The following SLCO3A1 variants were observed in gnomAD, a reference collection of about 807,000 sequenced individuals.
SLCO3A1 encodes the protein PGE1 transporter.
SLCO3A1 carries 27 observed loss-of-function variants against 63.1 expected under a neutral mutation model. The ratio of observed to expected loss-of-function variants is 0.43; its 90% CI spans 0.32 to 0.59. SLCO3A1 has a LOEUF of 0.59. Among genes scored for constraint, SLCO3A1 ranks in the 20% least tolerant of loss-of-function variants. The pLI is 0.09. For synonymous variants in SLCO3A1, 473 were observed against 409.9 expected (o/e 1.15, Z -1.86); for missense variants, 773 against 945.8 (o/e 0.82, Z 2.40).
rs1897001265 is a variant in SLCO3A1 at position 91,859,573 on chromosome 15, A to G, written c.180+5485A>G. On this transcript the variant is annotated intron_variant, in intron 1 of 9. Coordinates refer to ENST00000318445, the MANE Select transcript of SLCO3A1 (RefSeq NM_013272.4). This position sits in a 1 kb window ranked among gnomAD's most constrained non-coding sequence, Gnocchi z 5.1. ...AGCTGTCGCTTATTCGATGAGTGTT[A>G]GAAGACTGGGATTCATGCCTATGTC... 1.3e-5 allele frequency among the ~76,000 whole-genome samples: 2 copies of G among 152,330 alleles called. No individual in the cohort carries two copies. Among genetic ancestry groups the G allele is most frequent in the South Asian group, 4.1e-4 (2 of 4,828 alleles).
intron 2 of SLCO3A1, among the ~76,000 whole-genome samples, chr15:92,016,720 C>T (rs2046442330): frequency 1.3e-5 from 2 of 151,804 alleles, no homozygotes; most frequent in South Asian, 4.2e-4. Flanking sequence ...ATGGATGGGA[C>T]ATGAGGAAGA....
intron 2 of SLCO3A1, among the ~76,000 whole-genome samples, chr15:92,066,356 A>T (rs2047151549): frequency 6.6e-6 from 1 of 152,224 alleles, no homozygotes; most frequent in Non-Finnish European, 1.5e-5. Flanking sequence ...CATCTCAAAA[A>T]TCGGAGAAAA....
In SLCO3A1 at chr15:92,164,679, T is replaced by C. The variant is rs9302356; in HGVS notation, c.*1544T>C. 0.63 allele frequency: 622,247 copies of C among 984,790 alleles called. 197,796 individuals are homozygous for C. The highest frequency in any genetic ancestry group is 0.74 in the Middle Eastern group (1,419 of 1,916). 61.0% of individuals were successfully genotyped at this position (984,790 alleles called of 1,614,324 possible). On this transcript the variant is annotated 3_prime_UTR_variant, in exon 10 of 10. Transcript: ENST00000318445. ...CGTGTGTCCAATGCGTGAAAATGTCTGTGACATTTTCAGTGTTAGTCTTGA... is the reference window on the plus strand; with the variant it reads ...CGTGTGTCCAATGCGTGAAAATGTCCGTGACATTTTCAGTGTTAGTCTTGA...
chr15:92,015,597 G>C (rs542609865), intron 2 of SLCO3A1, among the ~76,000 whole-genome samples: 1 of 152,090 alleles, frequency 6.6e-6, no homozygotes, highest in East Asian at 1.9e-4. Context: ...AACCATATTG[G>C]GTTTAGGACA....
At chr15:92,002,540 G>C (rs1256054988) in intron 2 of SLCO3A1, among the ~76,000 whole-genome samples, 2 of 152,172 alleles carry the variant, frequency 1.3e-5, no homozygotes, top group Non-Finnish European at 2.9e-5. Flanking sequence ...TGGAATGCAA[G>C]TGTGTTCCTA....
chr15:92,091,627 C>G (rs1216764189), intron 2 of SLCO3A1, among the ~76,000 whole-genome samples: 1 of 152,154 alleles, frequency 6.6e-6, no homozygotes, highest in Non-Finnish European at 1.5e-5. Flanking sequence ...GAAGGCCCCT[C>G]CCACGTCCCA....
At chr15:92,040,655 G>A (rs946851867) in intron 2 of SLCO3A1, among the ~76,000 whole-genome samples, 4 of 152,222 alleles carry the variant, frequency 2.6e-5, no homozygotes, top group Admixed American at 1.3e-4. Context: ...TGAGGAGCAC[G>A]TGGTGTATAC....
intron 1 of SLCO3A1, among the ~76,000 whole-genome samples, chr15:91,902,831 T>C (rs1484000297): frequency 3.3e-5 from 5 of 152,192 alleles, no homozygotes; most frequent in Non-Finnish European, 4.4e-5. Flanking sequence ...ATCCTGACCC[T>C]GCCATTTGCA....
At chr15:91,876,402 TG>T (rs1897399296) in intron 1 of SLCO3A1, among the ~76,000 whole-genome samples, 1 of 152,232 alleles carries the variant, frequency 6.6e-6, no homozygotes, top group South Asian at 2.1e-4. Flanking sequence ...CAACGCAGAC[TG>T]CCAACTTCAA....
At chr15:92,116,802 A>G (rs1026573750) in intron 4 of SLCO3A1, among the ~76,000 whole-genome samples, 2 of 152,246 alleles carry the variant, frequency 1.3e-5, no homozygotes, top group Admixed American at 6.5e-5. Flanking sequence ...AGTCATTGCA[A>G]TAAAACTGGG....
intron 2 of SLCO3A1, among the ~76,000 whole-genome samples, chr15:92,085,208 C>T (rs1391475461): frequency 6.6e-6 from 1 of 152,218 alleles, no homozygotes; most frequent in Non-Finnish European, 1.5e-5. Context: ...CTGAATCCCA[C>T]CCCACCTGCC....
chr15:92,040,002 G>C (rs1347993176), intron 2 of SLCO3A1, among the ~76,000 whole-genome samples: 1 of 152,140 alleles, frequency 6.6e-6, no homozygotes, highest in Admixed American at 6.5e-5. Context: ...CTCATAAGTG[G>C]GAGCTGAGCA....
chr15:92,073,430 T>C (rs1044069686), intron 2 of SLCO3A1, among the ~76,000 whole-genome samples: 2 of 152,222 alleles, frequency 1.3e-5, no homozygotes, highest in African/African-American at 4.8e-5. Flanking sequence ...ATTCTGGCTT[T>C]CAAAGAAAGC....
Position 91,862,530 on chromosome 15 carries a change from T to G in SLCO3A1, c.180+8442T>G, listed in dbSNP as rs891945344. Among the ~76,000 whole-genome samples the G allele has an allele frequency of 6.6e-6, 1 of 152,184 alleles. No individual in the cohort carries two copies. The highest frequency in any genetic ancestry group is 1.5e-5 in the Non-Finnish European group (1 of 68,032). ...CACATTTGTTCTGCCAGGTTGTCCT[T>G]TGGGACAACTTTTGGGTGTCTGGAT... On this transcript the variant is annotated intron_variant, in intron 1 of 9. Coordinates refer to ENST00000318445, the MANE Select transcript of SLCO3A1 (RefSeq NM_013272.4). This position sits in a 1 kb window ranked among gnomAD's most constrained non-coding sequence, Gnocchi z 4.0.
Position 91,912,568 on chromosome 15 carries a change from C to T in SLCO3A1, c.181-3425C>T, listed in dbSNP as rs1246716555. Among the ~76,000 whole-genome samples, 3 of 152,224 alleles carry T rather than the reference C, an allele frequency of 2.0e-5. No homozygotes were observed. The highest frequency in any genetic ancestry group is 6.5e-5 in the Admixed American group (1 of 15,288). On this transcript the variant is annotated intron_variant, in intron 1 of 9. Coordinates refer to ENST00000318445, the MANE Select transcript of SLCO3A1 (RefSeq NM_013272.4). The surrounding 1 kb of genome is among the most constrained non-coding windows in gnomAD (Gnocchi z 5.0). Reference sequence around the variant, plus strand: ...CACCCTTATCTGTCATCAATGTGCACACCTGCATGATATTTTATGACACAG... The same window carrying T: ...CACCCTTATCTGTCATCAATGTGCATACCTGCATGATATTTTATGACACAG...
chr15:92,053,690 TTG>T lies in SLCO3A1; in HGVS notation c.647-41189_647-41188del, dbSNP rs776081887. Reference sequence around the variant, plus strand: ...TTTTATGTTTTGTTTTTTTGTTTGTTTGTTTGTTTTTTTTTTTTTTACTTCTC... The same window carrying T: ...TTTTATGTTTTGTTTTTTTGTTTGTTTTTGTTTTTTTTTTTTTTACTTCTC... On this transcript the variant is annotated intron_variant, in intron 2 of 9. Coordinates refer to ENST00000318445, the MANE Select transcript of SLCO3A1 (RefSeq NM_013272.4). Among the ~76,000 whole-genome samples the T allele has an allele frequency of 3.4e-3, 281 of 81,740 alleles. 2 individuals carry two copies. The highest frequency in any genetic ancestry group is 5.7e-3 in the Middle Eastern group (1 of 174). The allele number at this position is 81,740 out of a possible 152,430, so 53.6% of individuals were successfully genotyped here.
At chr15:91,957,148 T>TATACTATATAGTATATA (rs1900268254) in intron 2 of SLCO3A1, among the ~76,000 whole-genome samples, 4 of 29,976 alleles carry the variant, frequency 1.3e-4, no homozygotes, top group Admixed American at 6.6e-4. Context: ...TATATTATAA[T>TATACTATATAGTATATA]ATATATATAT....
chr15:91,994,868 C>G (rs1443581033), intron 2 of SLCO3A1, among the ~76,000 whole-genome samples: 3 of 152,166 alleles, frequency 2.0e-5, no homozygotes, highest in Non-Finnish European at 4.4e-5. Flanking sequence ...CAGACATGGG[C>G]CTTGCCTGGA....
chr15:92,004,712 A>G (rs2046294494), intron 2 of SLCO3A1, among the ~76,000 whole-genome samples: 1 of 152,258 alleles, frequency 6.6e-6, no homozygotes, highest in Admixed American at 6.5e-5. Flanking sequence ...GAACTAATGC[A>G]GGTGCATCCC....
Sources: gnomAD v4.1 joint callset for allele counts (sites outside exome capture counted in the v4.1 genomes callset) on GRCh38, gnomAD v4.1.1 for gene constraint, Gnocchi (gnomAD v3.1) non-coding constraint, MANE v1.5 for transcripts, NCBI Gene and HGNC (gene_info 2026-07-23, HGNC 2026-07-21) for gene names.